CUBN: variants seen among roughly 807,000 people sequenced by gnomAD.
The protein encoded by CUBN is 460 kDa receptor.
In CUBN, 282 loss-of-function variants were observed where a neutral mutation model predicts 405.3. The ratio of observed to expected loss-of-function variants is 0.70; its 90% CI spans 0.63 to 0.77. The LOEUF (loss-of-function observed/expected upper bound fraction) is 0.77, where lower values mean the gene tolerates loss of function less well. Ranked by LOEUF, CUBN falls within the 30% of genes least tolerant of loss-of-function variation. The pLI, the probability that CUBN is intolerant of heterozygous loss-of-function variation, is 0.00. For synonymous variants in CUBN, 1,684 were observed against 1,617.0 expected, an observed-to-expected ratio of 1.04 and a Z score of -0.99; for missense variants, 4,514 against 4,475.2, an observed-to-expected ratio of 1.01 and a Z score of -0.25.
At chr10:17,115,747 C>G in intron 6 of CUBN, 150 bp from the exon 7 acceptor site, 1 of 941,962 alleles carries the variant, frequency 1.1e-6, no homozygotes, top group Non-Finnish European at 1.7e-6. Flanking sequence ...TGACTGGAGT[C>G]TCGGGAGAAA....
At chr10:17,048,660 T>C (rs536853574) in intron 22 of CUBN, among the ~76,000 whole-genome samples, 1 of 152,276 alleles carries the variant, frequency 6.6e-6, no homozygotes, top group Non-Finnish European at 1.5e-5. Flanking sequence ...GCATTTTTAA[T>C]GTATTTCCAA....
chr10:16,832,230 A>G (rs1839026603), intron 64 of CUBN, among the ~76,000 whole-genome samples: 1 of 152,198 alleles, frequency 6.6e-6, no homozygotes, highest in Admixed American at 6.5e-5. Flanking sequence ...TTACGCGGGC[A>G]ATGTATGTTG....
intron 59 of CUBN, among the ~76,000 whole-genome samples, chr10:16,856,312 C>T (rs922883915): frequency 2.0e-5 from 3 of 152,102 alleles, no homozygotes; most frequent in South Asian, 2.1e-4. Flanking sequence ...ACACACCCTG[C>T]GTCCAAGAAC....
intron 59 of CUBN, 71 bp downstream of exon 59, chr10:16,869,565 G>A (rs910664289): frequency 2.4e-5 from 24 of 987,714 alleles, no homozygotes; most frequent in East Asian, 7.6e-5. Flanking sequence ...GGTGGGGGGG[G>A]GGCGGGGAAA....
intron 8 of CUBN, among the ~76,000 whole-genome samples, chr10:17,112,702 T>C (rs1025144884): frequency 6.6e-6 from 1 of 151,952 alleles, no homozygotes; most frequent in African/African-American, 2.4e-5. Context: ...TCTAAATATA[T>C]ACACGCAGAA....
chr10:17,039,979 T>A (rs1183375175), intron 27 of CUBN, among the ~76,000 whole-genome samples: 1 of 152,212 alleles, frequency 6.6e-6, no homozygotes, highest in East Asian at 1.9e-4. Flanking sequence ...TTGGAAAATA[T>A]ATGTTAACCT....
intron 31 of CUBN, among the ~76,000 whole-genome samples, chr10:16,969,695 C>A (rs557487105): frequency 2.6e-5 from 4 of 152,040 alleles, no homozygotes; most frequent in Admixed American, 6.6e-5. Context: ...TTCTACTTGG[C>A]GAATTTTGCC....
At position 16,918,583 on chromosome 10, in the gene CUBN, C is replaced by T. The variant is rs780531598; in HGVS notation, c.7000+39G>A. ...CCTATATAACAAATCTGCACATGTA[C>T]CCCTGAACCTAAAATAAAAGTTTTA... On this transcript the variant is annotated intron_variant, in intron 45 of 66. Transcript: ENST00000377833. The T allele has an allele frequency of 7.4e-6, 11 of 1,490,326 alleles. No individual in the cohort carries two copies. The South Asian group carries it at 9.3e-5, about 13-fold the overall frequency. The allele number at this position is 1,490,326 out of a possible 1,614,324, so 92.3% of individuals were successfully genotyped here.
intron 33 of CUBN, among the ~76,000 whole-genome samples, chr10:16,950,342 T>C (rs1017401859): frequency 6.6e-6 from 1 of 152,208 alleles, no homozygotes; most frequent in African/African-American, 2.4e-5. Context: ...GGATAAATGC[T>C]TGAAGGGATG....
intron 61 of CUBN, 31 bp downstream of exon 61, chr10:16,840,854 A>G: frequency 6.4e-7 from 1 of 1,567,250 alleles, no homozygotes; most frequent in East Asian, 2.2e-5. Flanking sequence ...TGTGTATTTC[A>G]TAACATATAA....
intron 6 of CUBN, among the ~76,000 whole-genome samples, chr10:17,116,403 G>A (rs1329158830): frequency 6.6e-6 from 1 of 152,178 alleles, no homozygotes; most frequent in Non-Finnish European, 1.5e-5. Context: ...AGAAGCCTAA[G>A]CCTATCCCCA....
chr10:17,026,118 C>T (rs1834656414), intron 27 of CUBN, among the ~76,000 whole-genome samples: 2 of 152,074 alleles, frequency 1.3e-5, no homozygotes, highest in Admixed American at 1.3e-4. Flanking sequence ...AAGGATGGGA[C>T]CTAGGGAATT....
chr10:17,110,748 C>T (rs1836754707), intron 9 of CUBN, among the ~76,000 whole-genome samples, 171 bp downstream of exon 9: 1 of 152,102 alleles, frequency 6.6e-6, no homozygotes, highest in Non-Finnish European at 1.5e-5. Context: ...GGCCCGAACT[C>T]CCGACCTCAT....
At chr10:16,981,973 C>G (rs1833288967) in intron 31 of CUBN, among the ~76,000 whole-genome samples, 1 of 152,180 alleles carries the variant, frequency 6.6e-6, no homozygotes, top group Non-Finnish European at 1.5e-5. Flanking sequence ...GTGAAAATCC[C>G]AGATGCTTAA....
At chr10:16,961,737 AGTCTCGCTCTGT>A in intron 31 of CUBN, among the ~76,000 whole-genome samples, 1 of 104,270 alleles carries the variant, frequency 9.6e-6, no homozygotes, top group African/African-American at 3.8e-5. Context: ...TTTGAGACGG[AGTCTCGCTCTGT>A]GGCCCAGGCT....
intron 31 of CUBN, among the ~76,000 whole-genome samples, chr10:16,968,275 A>G (rs1025097819): frequency 2.6e-5 from 4 of 152,286 alleles, no homozygotes; most frequent in East Asian, 3.9e-4. Flanking sequence ...TTATTGTCGA[A>G]TAATGGAACA....
intron 37 of CUBN, 32 bp downstream of exon 37, chr10:16,940,000 T>G (rs1354722863): frequency 6.6e-7 from 1 of 1,522,138 alleles, no homozygotes; most frequent in Non-Finnish European, 9.1e-7. Flanking sequence ...AGACATATTC[T>G]GGAAGCTATC....
chr10:17,081,317 T>G (rs182469278), intron 17 of CUBN, among the ~76,000 whole-genome samples: 5 of 152,288 alleles, frequency 3.3e-5, no homozygotes, highest in African/African-American at 1.2e-4. Flanking sequence ...ACATGCAAAG[T>G]AAATGTCCTT....
At chr10:17,059,302 T>G (rs948120929) in intron 22 of CUBN, among the ~76,000 whole-genome samples, 1 of 152,104 alleles carries the variant, frequency 6.6e-6, no homozygotes, top group African/African-American at 2.4e-5. Context: ...GAGAAACATC[T>G]ATAACCTTCC....
Sources: allele counts gnomAD v4.1 joint callset (sites outside exome capture counted in the v4.1 genomes callset), GRCh38; gene constraint gnomAD v4.1.1; transcripts MANE v1.5; gene names NCBI Gene and HGNC (gene_info 2026-07-23, HGNC 2026-07-21).